CNTNAP2: variants seen among roughly 807,000 people sequenced by gnomAD.
CNTNAP2 encodes the protein contactin-associated protein-like 2.
In CNTNAP2, 98 loss-of-function variants were observed where a neutral mutation model predicts 155.2. The observed-to-expected ratio is 0.63, with a 90% confidence interval of 0.54 to 0.75. The LOEUF is 0.75. CNTNAP2 is among the 30% of genes least tolerant of loss of function. The pLI is 0.00. For missense variants in CNTNAP2, 1,727 were observed against 1,688.1 expected (o/e 1.02, Z -0.40); for synonymous variants, 651 against 631.2 (o/e 1.03, Z -0.47).
intron 3 of CNTNAP2, among the ~76,000 whole-genome samples, chr7:147,035,749 C>T (rs1799141778): frequency 6.6e-6 from 1 of 151,982 alleles, no homozygotes; most frequent in African/African-American, 2.4e-5. Context: ...GCTATAGGAG[C>T]TTGTGATCTT....
intron 3 of CNTNAP2, among the ~76,000 whole-genome samples, chr7:146,899,842 C>G (rs912679435): frequency 6.6e-6 from 1 of 152,162 alleles, no homozygotes; most frequent in Non-Finnish European, 1.5e-5. Context: ...GCAAACTGCT[C>G]TATGTGACAG....
At chr7:146,933,592 TC>T (rs1796834497) in intron 3 of CNTNAP2, among the ~76,000 whole-genome samples, 1 of 147,002 alleles carries the variant, frequency 6.8e-6, no homozygotes, top group South Asian at 2.2e-4. Flanking sequence ...ACAAATGGGA[TC>T]TAATTAAACT....
At chr7:146,260,942 A>G (rs1799910355) in intron 1 of CNTNAP2, among the ~76,000 whole-genome samples, 1 of 152,156 alleles carries the variant, frequency 6.6e-6, no homozygotes, top group South Asian at 2.1e-4. Flanking sequence ...CTCATCTCAA[A>G]TTGTAATCCC....
intron 4 of CNTNAP2, among the ~76,000 whole-genome samples, chr7:147,064,530 C>T (rs905260566): frequency 3.9e-5 from 6 of 152,136 alleles, no homozygotes; most frequent in Admixed American, 3.9e-4. Flanking sequence ...CCTCACATAG[C>T]ATTCTTCACA....
chr7:147,991,424 T>C (rs775829850), intron 15 of CNTNAP2, among the ~76,000 whole-genome samples: 11 of 152,226 alleles, frequency 7.2e-5, no homozygotes, highest in Non-Finnish European at 1.6e-4. Flanking sequence ...ATAATTGTTA[T>C]AAAGGTCCAA....
chr7:148,411,810 C>G (rs1363944547), intron 23 of CNTNAP2, among the ~76,000 whole-genome samples: 1 of 150,432 alleles, frequency 6.6e-6, no homozygotes, highest in African/African-American at 2.4e-5. Context: ...TACTTTTCCT[C>G]AATTGAATTT....
chr7:148,349,152 T>A (rs1798373771), intron 21 of CNTNAP2, among the ~76,000 whole-genome samples: 1 of 152,042 alleles, frequency 6.6e-6, no homozygotes, highest in Admixed American at 6.5e-5. Flanking sequence ...ACATCAATAA[T>A]TTAAGTCATT....
chr7:148,392,233 C>G (rs1010230974), intron 22 of CNTNAP2, among the ~76,000 whole-genome samples: 1 of 152,140 alleles, frequency 6.6e-6, no homozygotes, highest in African/African-American at 2.4e-5. Flanking sequence ...ACCACCACAC[C>G]CAGCTAATTT....
intron 8 of CNTNAP2, among the ~76,000 whole-genome samples, chr7:147,164,162 T>C (rs1252069723): frequency 6.6e-6 from 1 of 152,220 alleles, no homozygotes; most frequent in Non-Finnish European, 1.5e-5. Flanking sequence ...TCTCCTATTT[T>C]GGTAAGTTAA....
intron 8 of CNTNAP2, among the ~76,000 whole-genome samples, chr7:147,237,950 G>A (rs1169206146): frequency 1.3e-5 from 2 of 152,344 alleles, no homozygotes; most frequent in East Asian, 3.9e-4. Flanking sequence ...CCATGGGATA[G>A]TGCTAATGAC....
At chr7:147,338,112 A>G (rs549622679) in intron 9 of CNTNAP2, among the ~76,000 whole-genome samples, 13 of 152,272 alleles carry the variant, frequency 8.5e-5, no homozygotes, top group African/African-American at 3.1e-4. Context: ...ATTGACTCAC[A>G]GTTCTGCATG....
intron 10 of CNTNAP2, among the ~76,000 whole-genome samples, chr7:147,467,317 G>A (rs530590793): frequency 4.2e-4 from 64 of 152,172 alleles, no homozygotes; most frequent in African/African-American, 1.4e-3. Flanking sequence ...GTAGGCATTC[G>A]GAAGAATAAA....
intron 1 of CNTNAP2, among the ~76,000 whole-genome samples, chr7:146,419,589 AT>A (rs1402893683): frequency 6.6e-6 from 1 of 152,178 alleles, no homozygotes; most frequent in African/African-American, 2.4e-5. Flanking sequence ...AATTAAAAAA[AT>A]TCAATAGTAA....
chr7:147,862,631 A>G (rs1245566834), intron 13 of CNTNAP2, among the ~76,000 whole-genome samples: 1 of 151,564 alleles, frequency 6.6e-6, no homozygotes, highest in Admixed American at 6.6e-5. Flanking sequence ...ACTCATATAT[A>G]TATACATATA....
In CNTNAP2 at chr7:146,698,840, A is replaced by G. The variant is rs553391378; in HGVS notation, c.98-75431A>G. 2.0e-5 allele frequency among the ~76,000 whole-genome samples: 3 copies of G among 152,198 alleles called. No homozygotes were observed. In the East Asian group the frequency reaches 5.8e-4, roughly 29 times the overall value. ...TTCATTTTTTTACTCTTTACATTGT[A>G]ATTTAGAAAGTTCCTATTGACATAT... On this transcript the variant is annotated intron_variant, in intron 1 of 23. Transcript: ENST00000361727.
intron 1 of CNTNAP2, among the ~76,000 whole-genome samples, chr7:146,190,790 T>C (rs1319951928): frequency 1.3e-5 from 2 of 152,170 alleles, no homozygotes; most frequent in Non-Finnish European, 2.9e-5. Context: ...ATTTAATACA[T>C]GCTTTTTTTA....
At chr7:146,926,818 A>C (rs924967596) in intron 3 of CNTNAP2, among the ~76,000 whole-genome samples, 4 of 152,136 alleles carry the variant, frequency 2.6e-5, no homozygotes, top group Admixed American at 2.0e-4. Flanking sequence ...ACAATCCAAA[A>C]ATATGGAAAT....
chr7:146,600,838 A>G (rs997949239), intron 1 of CNTNAP2, among the ~76,000 whole-genome samples: 2 of 152,160 alleles, frequency 1.3e-5, no homozygotes, highest in Non-Finnish European at 2.9e-5. Flanking sequence ...TTTATTTTAT[A>G]CTGAAATATA....
intron 8 of CNTNAP2, among the ~76,000 whole-genome samples, chr7:147,279,721 T>C (rs182154568): frequency 1.3e-5 from 2 of 151,992 alleles, no homozygotes; most frequent in East Asian, 3.9e-4. Context: ...TCTCGTCAGC[T>C]CTCAATGGCT....
Sources: allele counts gnomAD v4.1 joint callset (sites outside exome capture counted in the v4.1 genomes callset), GRCh38; gene constraint gnomAD v4.1.1; transcripts MANE v1.5; gene names NCBI Gene and HGNC (gene_info 2026-07-23, HGNC 2026-07-21).